Variants in HS6ST3 observed in about 807,000 individuals in gnomAD.
HS6ST3 encodes the protein heparan-sulfate 6-O-sulfotransferase 3.
In HS6ST3, 12 loss-of-function variants were observed where a neutral mutation model predicts 36.7. The observed-to-expected ratio is 0.33, with a 90% CI of 0.21 to 0.53. HS6ST3 has a LOEUF of 0.53. Ranked by LOEUF, HS6ST3 falls within the 20% of genes least tolerant of loss-of-function variation. The pLI, the probability that HS6ST3 is intolerant of heterozygous loss-of-function variation, is 0.95. For missense variants in HS6ST3, 584 were observed against 640.9 expected (o/e 0.91, Z 0.96); for synonymous variants, 240 against 257.5 (o/e 0.93, Z 0.65).
At chr13:96,459,100 T>TAAAAACAAAAAAAAAAAAAAAAAAAAA (rs2055768787) in intron 1 of HS6ST3, among the ~76,000 whole-genome samples, 1 of 63,884 alleles carries the variant, frequency 1.6e-5, no homozygotes, top group African/African-American at 9.0e-5. Context: ...CAAGACTGTC[T>TAAAAACAAAAAAAAAAAAAAAAAAAAA]AAAAAAAAAA....
chr13:96,590,794 T>A (rs1360586088), intron 1 of HS6ST3, among the ~76,000 whole-genome samples: 1 of 152,134 alleles, frequency 6.6e-6, no homozygotes, highest in Non-Finnish European at 1.5e-5. Flanking sequence ...GTTTCTCCAA[T>A]GTTTTCTTTT....
At chr13:96,776,034 A>G (rs1388176364) in intron 1 of HS6ST3, among the ~76,000 whole-genome samples, 2 of 152,198 alleles carry the variant, frequency 1.3e-5, no homozygotes, top group Admixed American at 6.5e-5. Flanking sequence ...GGATTAAGAA[A>G]TTTACTCAAA....
intron 1 of HS6ST3, among the ~76,000 whole-genome samples, chr13:96,187,368 C>T (rs1251239570): frequency 1.3e-5 from 2 of 152,158 alleles, no homozygotes; most frequent in East Asian, 1.9e-4. Context: ...ATGCGTCCTG[C>T]CTATGCTATT....
intron 1 of HS6ST3, among the ~76,000 whole-genome samples, chr13:96,096,206 A>C (rs1594674428): frequency 6.6e-6 from 1 of 152,170 alleles, no homozygotes; most frequent in Admixed American, 6.5e-5. Context: ...AAAAGGAATG[A>C]GATATGGAAG....
chr13:96,234,142 G>C (rs1384121619), intron 1 of HS6ST3, among the ~76,000 whole-genome samples: 1 of 151,912 alleles, frequency 6.6e-6, no homozygotes, highest in Non-Finnish European at 1.5e-5. Context: ...AGGCATGGTG[G>C]CTCACGCCTG....
intron 1 of HS6ST3, among the ~76,000 whole-genome samples, chr13:96,612,560 G>A (rs766814313): frequency 1.2e-4 from 18 of 152,054 alleles, no homozygotes; most frequent in Non-Finnish European, 2.1e-4. Context: ...TCTAATAAAT[G>A]TCTGAAACTT....
chr13:96,798,228 G>A (rs1455075741), intron 1 of HS6ST3, among the ~76,000 whole-genome samples: 10 of 152,100 alleles, frequency 6.6e-5, no homozygotes, highest in East Asian at 5.8e-4. Flanking sequence ...CAGGAACCTC[G>A]TCTTCAGCTA....
At chr13:96,282,976 C>T (rs1425618824) in intron 1 of HS6ST3, among the ~76,000 whole-genome samples, 1 of 152,158 alleles carries the variant, frequency 6.6e-6, no homozygotes, top group African/African-American at 2.4e-5. Context: ...CTGGAAAACC[C>T]ATTCACTCTA....
chr13:96,525,810 T>TA, intron 1 of HS6ST3, among the ~76,000 whole-genome samples: 1 of 152,360 alleles, frequency 6.6e-6, no homozygotes, highest in Middle Eastern at 3.4e-3. Context: ...ACTTACTGTG[T>TA]ACGCTATGAT....
chr13:96,120,960 T>C (rs1373229665), intron 1 of HS6ST3, among the ~76,000 whole-genome samples: 1 of 152,208 alleles, frequency 6.6e-6, no homozygotes, highest in Admixed American at 6.5e-5. Context: ...TATAGCGGGT[T>C]CTGAAGTGAT....
chr13:96,412,919 T>C (rs1435221269), intron 1 of HS6ST3, among the ~76,000 whole-genome samples: 1 of 136,098 alleles, frequency 7.3e-6, no homozygotes, highest in East Asian at 2.1e-4. Context: ...GAATGAACAA[T>C]TGAAGAAAGA....
At chr13:96,576,580 T>C (rs763453732) in intron 1 of HS6ST3, among the ~76,000 whole-genome samples, 3 of 152,200 alleles carry the variant, frequency 2.0e-5, no homozygotes, top group Admixed American at 6.5e-5. Flanking sequence ...CCCTTGAGCA[T>C]GCACGCTTAG....
At chr13:96,127,356 G>C (rs567740539) in intron 1 of HS6ST3, among the ~76,000 whole-genome samples, 44 of 152,264 alleles carry the variant, frequency 2.9e-4, no homozygotes, top group African/African-American at 9.4e-4. Flanking sequence ...AAATCATCAG[G>C]CATTAGATTT....
At chr13:96,204,905 A>G (rs757465452) in intron 1 of HS6ST3, among the ~76,000 whole-genome samples, 4 of 151,742 alleles carry the variant, frequency 2.6e-5, no homozygotes, top group Admixed American at 6.6e-5. Flanking sequence ...GATCTTAACA[A>G]CCTAACATCT....
chr13:96,376,259 A>G (rs1283628414), intron 1 of HS6ST3, among the ~76,000 whole-genome samples: 1 of 152,228 alleles, frequency 6.6e-6, no homozygotes, highest in Non-Finnish European at 1.5e-5. Flanking sequence ...TGCTGCCACT[A>G]GCATTTGGGC....
rs144510498 is a variant in HS6ST3 at position 96,487,664 on chromosome 13, C to T, written c.708-344826C>T. The stretch of plus-strand genomic sequence containing the variant: ...AAAGGCCATGTTTGGTATCCATATG[C>T]CATGTCTTCTAGAATTAGCTCTTAA... On this transcript the variant is annotated intron_variant, in intron 1 of 1. Transcript: ENST00000376705. 8.5e-5 allele frequency among the ~76,000 whole-genome samples: 13 copies of T among 152,112 alleles called. No homozygotes were observed. The South Asian group carries it at 1.0e-3, about 12-fold the overall frequency.
intron 1 of HS6ST3, among the ~76,000 whole-genome samples, chr13:96,578,430 C>G (rs576549019): frequency 1.3e-5 from 2 of 152,204 alleles, no homozygotes; most frequent in African/African-American, 4.8e-5. Context: ...GACGAAGGCA[C>G]TGATGAGGGT....
chr13:96,139,768 G>A (rs1352512814), intron 1 of HS6ST3, among the ~76,000 whole-genome samples: 2 of 151,926 alleles, frequency 1.3e-5, no homozygotes, highest in Non-Finnish European at 2.9e-5. Context: ...AATAGTAATT[G>A]CCTACCTTGT....
At chr13:96,440,094 G>A (rs1048197519) in intron 1 of HS6ST3, among the ~76,000 whole-genome samples, 5 of 151,766 alleles carry the variant, frequency 3.3e-5, no homozygotes, top group Middle Eastern at 3.5e-3. Flanking sequence ...GTGTGTGTAT[G>A]TTTGTTTGTT....
Sources: allele counts gnomAD v4.1 joint callset (sites outside exome capture counted in the v4.1 genomes callset), GRCh38; gene constraint gnomAD v4.1.1; transcripts MANE v1.5; gene names NCBI Gene and HGNC (gene_info 2026-07-23, HGNC 2026-07-21).